Variants in GMEB1 observed in about 807,000 individuals in gnomAD.
The protein encoded by GMEB1 is glucocorticoid modulatory element-binding protein 1.
In GMEB1, 6 loss-of-function variants were observed where a neutral mutation model predicts 52.4. The ratio of observed to expected loss-of-function variants is 0.11; its 90% confidence interval spans 0.06 to 0.23. GMEB1 has a LOEUF of 0.23. GMEB1 is among the 10% of genes least tolerant of loss of function. The pLI, the probability that GMEB1 is intolerant of heterozygous loss-of-function variation, is 1.00. For synonymous variants in GMEB1, 255 were observed against 244.9 expected, an observed-to-expected ratio of 1.04 and a Z score of -0.38; for missense variants, 486 against 685.6, an observed-to-expected ratio of 0.71 and a Z score of 3.25.
chr1:28,694,034 A>G (rs1670085410), intron 5 of GMEB1, among the ~76,000 whole-genome samples: 1 of 152,100 alleles, frequency 6.6e-6, no homozygotes, highest in Non-Finnish European at 1.5e-5. Context: ...AATATTTCTG[A>G]AGAGATTTTA....
chr1:28,687,766 G>A (rs2124497865), intron 2 of GMEB1, among the ~76,000 whole-genome samples: 1 of 152,158 alleles, frequency 6.6e-6, no homozygotes, highest in Admixed American at 6.6e-5. Flanking sequence ...TAGTGTTAAA[G>A]TGATGCATCT....
At chr1:28,713,379 C>T (rs919788533) in intron 9 of GMEB1, among the ~76,000 whole-genome samples, 6 of 152,160 alleles carry the variant, frequency 3.9e-5, no homozygotes, top group African/African-American at 1.4e-4. Context: ...CCAGTGGTCA[C>T]CTAGGGTTGG....
chr1:28,695,150 A>G (rs1670141778), intron 5 of GMEB1, among the ~76,000 whole-genome samples: 1 of 151,290 alleles, frequency 6.6e-6, no homozygotes, highest in Non-Finnish European at 1.5e-5. Context: ...TATTTTTAGT[A>G]GAGACAGGGT....
At chr1:28,687,124 C>A (rs1186047753) in intron 2 of GMEB1, among the ~76,000 whole-genome samples, 1 of 151,350 alleles carries the variant, frequency 6.6e-6, no homozygotes, top group African/African-American at 2.4e-5. Context: ...TCACTTGAGT[C>A]CAGGAGTTCA....
At chr1:28,695,110 G>C (rs1670140252) in intron 5 of GMEB1, among the ~76,000 whole-genome samples, 1 of 150,972 alleles carries the variant, frequency 6.6e-6, no homozygotes, top group Admixed American at 6.6e-5. Context: ...GATTACAGGT[G>C]CGCGCCACCA....
At chr1:28,670,570 C>T (rs576013678) in intron 1 of GMEB1, among the ~76,000 whole-genome samples, 6 of 152,058 alleles carry the variant, frequency 3.9e-5, no homozygotes, top group Non-Finnish European at 8.8e-5. Flanking sequence ...TCAGGTGATC[C>T]CACATCCTCA....
intron 1 of GMEB1, among the ~76,000 whole-genome samples, chr1:28,672,949 G>A (rs1025420551): frequency 1.6e-4 from 24 of 151,902 alleles, no homozygotes; most frequent in Non-Finnish European, 2.8e-4. Flanking sequence ...AGGCTGGAGT[G>A]CAGTGGCGCG....
At position 28,693,001 on chromosome 1, in the gene GMEB1, G is replaced by A. The variant is rs1670034779; in HGVS notation, c.396G>A (p.Leu132=). Residue 132 remains leucine (L), a synonymous_variant, in exon 5 of 10, where the codon CTG becomes CTA. Coordinates refer to ENST00000373816, the MANE Select transcript of GMEB1 (RefSeq NM_001319674.2). Reference sequence around the variant, plus strand: ...TTCATCTGGCTGGCAAGTCCACTCTGAAGGACTGGAAGAGAGCTATTCGTC... The same window carrying A: ...TTCATCTGGCTGGCAAGTCCACTCTAAAGGACTGGAAGAGAGCTATTCGTC... The part of the protein sequence containing the change: ...HFVHLAGKST[L]KDWKRAIRLG... 1 of 1,608,896 alleles carries A rather than the reference G, an allele frequency of 6.2e-7. No individual in the cohort carries two copies. The highest frequency in any genetic ancestry group is 8.5e-7 in the Non-Finnish European group (1 of 1,176,686).
At chr1:28,674,190 A>G (rs1040321637) in intron 1 of GMEB1, among the ~76,000 whole-genome samples, 5 of 151,320 alleles carry the variant, frequency 3.3e-5, no homozygotes, top group African/African-American at 1.2e-4. Context: ...GAAAACAGAA[A>G]TGAGCAGGGT....
rs1049993116 is a variant in GMEB1, at chr1:28,670,173, A to ATTTATTTATTTATTTATTTATTTG, written c.-31+1337_-31+1338insATTTATTTATTTATTTATTTGTTT. Among the ~76,000 whole-genome samples the ATTTATTTATTTATTTATTTATTTG allele has an allele frequency of 7.2e-5, 11 of 151,870 alleles. No individual in the cohort carries two copies. In the East Asian group the frequency reaches 1.4e-3, roughly 19 times the overall value. ...ACCCTTTTTATTTATTTATTTATTT[A>ATTTATTTATTTATTTATTTATTTG]TTTGTTTTTTGAGACGGAGTCTCAC... On this transcript the variant is annotated intron_variant, in intron 1 of 9. Transcript: ENST00000373816.
chr1:28,694,171 A>C (rs930928488), intron 5 of GMEB1, among the ~76,000 whole-genome samples: 1 of 151,564 alleles, frequency 6.6e-6, no homozygotes, highest in African/African-American at 2.4e-5. Context: ...AAATGTTGAC[A>C]TGGTCTGTGT....
chr1:28,679,684 C>G (rs1669308946), intron 1 of GMEB1, among the ~76,000 whole-genome samples: 1 of 152,238 alleles, frequency 6.6e-6, no homozygotes, highest in South Asian at 2.1e-4. Flanking sequence ...ATTTGTTGAA[C>G]TGGCCATAAT....
chr1:28,712,420 G>T (rs1051374795), intron 9 of GMEB1, among the ~76,000 whole-genome samples: 2 of 152,124 alleles, frequency 1.3e-5, no homozygotes, highest in Non-Finnish European at 2.9e-5. Context: ...GGTTCGGGGG[G>T]AGGGCTGAAA....
Position 28,685,207 on chromosome 1 carries a change from GTTC to G in GMEB1, c.128+1470_128+1472del, listed in dbSNP as rs756142784. On this transcript the variant is annotated intron_variant, in intron 2 of 9. Coordinates refer to ENST00000373816, the MANE Select transcript of GMEB1 (RefSeq NM_001319674.2). The stretch of plus-strand genomic sequence containing the variant: ...GGAAAAAGATAAGATTTAAAAAGGG[GTTC>G]TTTTTTTTTTTTTCGTTGAGATGGA... 4.0e-5 allele frequency among the ~76,000 whole-genome samples: 6 copies of G among 151,634 alleles called. No homozygotes were observed. In the South Asian group the frequency reaches 1.0e-3, roughly 26 times the overall value.
At chr1:28,692,195 G>A (rs1303552822) in intron 4 of GMEB1, among the ~76,000 whole-genome samples, 1 of 150,968 alleles carries the variant, frequency 6.6e-6, no homozygotes, top group Admixed American at 6.7e-5. Context: ...TAGAGATGGG[G>A]GGTTTTGCTA....
intron 7 of GMEB1, among the ~76,000 whole-genome samples, chr1:28,703,459 C>T (rs1276506928): frequency 2.0e-5 from 3 of 151,926 alleles, no homozygotes; most frequent in East Asian, 3.9e-4. Context: ...GTCGGGAGTT[C>T]GAGGCCAGCC....
At chr1:28,678,607 C>G (rs188300402) in intron 1 of GMEB1, among the ~76,000 whole-genome samples, 2 of 151,876 alleles carry the variant, frequency 1.3e-5, no homozygotes, top group East Asian at 3.9e-4. Context: ...CCGCGTCCGT[C>G]TCTTTTCTAG....
chr1:28,680,241 TAAA>T (rs921645705), intron 1 of GMEB1, among the ~76,000 whole-genome samples: 2 of 152,018 alleles, frequency 1.3e-5, no homozygotes, highest in African/African-American at 4.8e-5. Flanking sequence ...CATATAAAAA[TAAA>T]AAAGAAAATT....
Position 28,697,056 on chromosome 1 carries a change from T to G in GMEB1, c.570T>G (p.Ser190Arg), listed in dbSNP as rs1488828152. Residue 190 changes from serine (S) to arginine (R), a missense_variant, in exon 6 of 10, where the codon AGT (serine) becomes AGG (arginine). Coordinates refer to ENST00000373816, the MANE Select transcript of GMEB1 (RefSeq NM_001319674.2). ...CTCCAGTGCCAGGACAGCAGACAAG[T>G]GTGGTGCAGACACCCACTTCGGCTG... Reference protein sequence around the residue: ...ARAPVPGQQTSVVQTPTSADG... With the variant: ...ARAPVPGQQTRVVQTPTSADG... 1.2e-6 allele frequency: 2 copies of G among 1,610,702 alleles called. No homozygotes were observed. The highest frequency in any genetic ancestry group is 1.7e-6 in the Non-Finnish European group (2 of 1,178,326).
Sources: allele counts gnomAD v4.1 joint callset (sites outside exome capture counted in the v4.1 genomes callset), GRCh38; gene constraint gnomAD v4.1.1; transcripts MANE v1.5; gene names NCBI Gene and HGNC (gene_info 2026-07-23, HGNC 2026-07-21).